Variants in PHLDB2 observed in about 807,000 individuals in gnomAD.
The protein encoded by PHLDB2 is pleckstrin homology like domain family B member 2, also known as pleckstrin homology-like domain family B member 2.
PHLDB2 carries 71 observed loss-of-function variants against 123.6 expected under a neutral mutation model. The observed-to-expected ratio is 0.57, with a 90% CI of 0.47 to 0.70. The LOEUF (loss-of-function observed/expected upper bound fraction) is 0.70, where lower values mean the gene tolerates loss of function less well. Ranked by LOEUF, PHLDB2 falls within the 30% of genes least tolerant of loss-of-function variation. PHLDB2 has a pLI of 0.00. For missense variants in PHLDB2, 1,446 were observed against 1,519.5 expected, an observed-to-expected ratio of 0.95 and a Z score of 0.80; for synonymous variants, 547 against 541.6, an observed-to-expected ratio of 1.01 and a Z score of -0.14.
chr3:111,743,514 G>T (rs968613204), intron 1 of PHLDB2, among the ~76,000 whole-genome samples: 10 of 152,114 alleles, frequency 6.6e-5, no homozygotes, highest in Non-Finnish European at 1.3e-4. Flanking sequence ...CAGGAATAGT[G>T]AACAAAGTAA....
chr3:111,790,688 G>A (rs1358802030), intron 1 of PHLDB2, among the ~76,000 whole-genome samples: 2 of 152,138 alleles, frequency 1.3e-5, no homozygotes, highest in Non-Finnish European at 2.9e-5. Flanking sequence ...TACTCTGGAC[G>A]TAAAATGACA....
intron 9 of PHLDB2, 97 bp downstream of exon 9, chr3:111,945,454 C>G (rs1224285452): frequency 6.3e-6 from 6 of 947,392 alleles, no homozygotes; most frequent in Non-Finnish European, 9.9e-6. Context: ...AATATTAACT[C>G]AAAGGACCTG....
Position 111,765,514 on chromosome 3 carries a change from CA to C in PHLDB2, c.-49+32812del, listed in dbSNP as rs2060063820. On this transcript the variant is annotated intron_variant, in intron 1 of 17. Coordinates refer to the PHLDB2 transcript ENST00000393923. ...CAGATGTCAGGCAGTGCAAAGCATCCAGGAAAGATAATCGATCCAAAAATCA... is the reference window on the plus strand; with the variant it reads ...CAGATGTCAGGCAGTGCAAAGCATCCGGAAAGATAATCGATCCAAAAATCA... Among the ~76,000 whole-genome samples, 3 of 152,282 alleles carry C rather than the reference CA, an allele frequency of 2.0e-5. No individual in the cohort carries two copies. The South Asian group carries it at 6.2e-4, about 32-fold the overall frequency.
At chr3:111,931,522 T>A (rs2069147135) in intron 5 of PHLDB2, among the ~76,000 whole-genome samples, 2 of 152,158 alleles carry the variant, frequency 1.3e-5, no homozygotes, top group East Asian at 3.9e-4. Context: ...TTTTTCACAG[T>A]CCGTGTTTCA....
At chr3:111,881,709 G>T (rs2065933964) in intron 1 of PHLDB2, among the ~76,000 whole-genome samples, 2 of 150,654 alleles carry the variant, frequency 1.3e-5, no homozygotes, top group South Asian at 2.1e-4. Flanking sequence ...ATATTTTATG[G>T]TTGTAAATGA....
chr3:111,768,336 T>C lies in PHLDB2; in HGVS notation c.-49+35633T>C, dbSNP rs537090150. ...ACCTGGATTTGATGGTGGGGTTGCC[T>C]ACCTATAGTTTGTAACAAATGTTTT... is the stretch of plus-strand genomic sequence containing the variant. On this transcript the variant is annotated intron_variant, in intron 1 of 17. Coordinates refer to the PHLDB2 transcript ENST00000393923. Among the ~76,000 whole-genome samples the C allele has an allele frequency of 2.6e-5, 4 of 152,324 alleles. No individual in the cohort carries two copies. The South Asian group carries it at 6.2e-4, about 24-fold the overall frequency.
At chr3:111,879,986 T>TC (rs2065857477) in intron 1 of PHLDB2, among the ~76,000 whole-genome samples, 1 of 13,650 alleles carries the variant, frequency 7.3e-5, no homozygotes, top group African/African-American at 1.8e-4. Flanking sequence ...ACCCACTGCC[T>TC]TTTTTTTTTT....
chr3:111,962,287 G>A lies in PHLDB2; in HGVS notation c.3052G>A (p.Ala1018Thr). Residue 1018 changes from alanine to threonine, a missense_variant, in exon 13 of 18, where the codon GCT (alanine) becomes ACT (threonine). Around this residue, in one of 3 missense-constraint regions of PHLDB2, gnomAD observed 594 missense variants for 646.0 expected, o/e 0.92. Transcript: ENST00000431670. ...SSDSMETSIS[A>T]CSPDNISSAS... is the part of the protein sequence containing the mutation. The stretch of plus-strand genomic sequence containing the variant: ...TGATAGCATGGAGACCAGCATCTCT[G>A]CTTGCTCACCAGACAACATCTCTAG... The A allele has an allele frequency of 6.3e-7, 1 of 1,586,452 alleles. No homozygotes were observed. The highest frequency in any genetic ancestry group is 2.2e-5 in the East Asian group (1 of 44,554).
At chr3:111,754,247 T>G (rs199817123) in intron 1 of PHLDB2, among the ~76,000 whole-genome samples, 129,667 of 138,566 alleles carry the variant, frequency 0.94, 60,776 homozygotes, top group East Asian at 1. Flanking sequence ...GGCCAGTATG[T>G]CCATTTTCAC....
At chr3:111,920,660 G>A (rs2107530199) in intron 5 of PHLDB2, among the ~76,000 whole-genome samples, 1 of 152,304 alleles carries the variant, frequency 6.6e-6, no homozygotes, top group East Asian at 1.9e-4. Flanking sequence ...ATTCCTGGCA[G>A]CTTTATCCTA....
chr3:111,889,859 C>T (rs766065819), intron 2 of PHLDB2, among the ~76,000 whole-genome samples: 4 of 152,054 alleles, frequency 2.6e-5, no homozygotes, highest in East Asian at 3.9e-4. Context: ...TTATTATCCT[C>T]GGGAGTTAGA....
At chr3:111,865,466 A>G (rs1042253487) in intron 1 of PHLDB2, among the ~76,000 whole-genome samples, 3 of 152,168 alleles carry the variant, frequency 2.0e-5, no homozygotes, top group Non-Finnish European at 4.4e-5. Context: ...CATTTCCTGC[A>G]TTATGTAATG....
intron 14 of PHLDB2, among the ~76,000 whole-genome samples, chr3:111,967,438 T>G (rs2071848925): frequency 6.6e-6 from 1 of 152,226 alleles, no homozygotes; most frequent in Non-Finnish European, 1.5e-5. Flanking sequence ...CAAGCTGGAT[T>G]TTCACTGAAG....
intron 1 of PHLDB2, among the ~76,000 whole-genome samples, chr3:111,756,515 A>C (rs1240258343): frequency 6.6e-6 from 1 of 151,810 alleles, no homozygotes; most frequent in Non-Finnish European, 1.5e-5. Context: ...ATCTTCCTCC[A>C]TCCTTTTATT....
At chr3:111,942,862 G>A (rs1332557255) in intron 8 of PHLDB2, among the ~76,000 whole-genome samples, 3 of 150,348 alleles carry the variant, frequency 2.0e-5, no homozygotes, top group Non-Finnish European at 4.4e-5. Context: ...TATATAATAT[G>A]TAATATTAAG....
intron 1 of PHLDB2, among the ~76,000 whole-genome samples, chr3:111,733,627 AGAT>A (rs1306684889): frequency 6.6e-6 from 1 of 152,340 alleles, no homozygotes; most frequent in Non-Finnish European, 1.5e-5. Flanking sequence ...GGGAAGAAGG[AGAT>A]GATAACTATG....
intron 1 of PHLDB2, among the ~76,000 whole-genome samples, chr3:111,881,571 A>G (rs2065927363): frequency 6.6e-6 from 1 of 152,200 alleles, no homozygotes; most frequent in Admixed American, 6.5e-5. Flanking sequence ...TTACAGTAGT[A>G]TAGTATGTAC....
chr3:111,941,809 AAAAACAAAAC>A (rs59034498), intron 8 of PHLDB2, among the ~76,000 whole-genome samples: 17,722 of 150,654 alleles, frequency 0.12, 1,170 homozygotes, highest in South Asian at 0.24. Flanking sequence ...CCTGTCTCAA[AAAAACAAAAC>A]AAAACAAAAC....
chr3:111,794,779 C>T (rs2061082251), intron 1 of PHLDB2, among the ~76,000 whole-genome samples: 1 of 152,192 alleles, frequency 6.6e-6, no homozygotes, highest in Non-Finnish European at 1.5e-5. Flanking sequence ...AATGGTAAGG[C>T]ATTTGATCAA....
Sources: allele counts gnomAD v4.1 joint callset (sites outside exome capture counted in the v4.1 genomes callset), GRCh38; gene constraint gnomAD v4.1.1; regional missense constraint gnomAD v4.1.1; transcripts MANE v1.5; gene names NCBI Gene and HGNC (gene_info 2026-07-23, HGNC 2026-07-21).